Variants in C8orf34 observed in about 807,000 individuals in gnomAD.
C8orf34 encodes chromosome 8 open reading frame 34.
Under a neutral mutation model 68.3 loss-of-function variants are expected in C8orf34, and 65 were observed. The ratio of observed to expected loss-of-function variants is 0.95; its 90% CI spans 0.78 to 1.17. The LOEUF (loss-of-function observed/expected upper bound fraction) is 1.17. Among genes scored for constraint, C8orf34 ranks in the 50% most tolerant of loss-of-function variants. The pLI is 0.00. For synonymous variants in C8orf34, 244 were observed against 241.2 expected (o/e 1.01, Z -0.11); for missense variants, 664 against 655.4 (o/e 1.01, Z -0.14).
chr8:68,466,928 T>C (rs1217607371), intron 3 of C8orf34, among the ~76,000 whole-genome samples: 1 of 151,654 alleles, frequency 6.6e-6, no homozygotes, highest in Non-Finnish European at 1.5e-5. Flanking sequence ...CCTTACCATA[T>C]AAATATTTTT....
At chr8:68,796,577 T>C (rs1257787317) in intron 12 of C8orf34, among the ~76,000 whole-genome samples, 2 of 152,168 alleles carry the variant, frequency 1.3e-5, no homozygotes, top group Non-Finnish European at 2.9e-5. Context: ...TGTAAGACCA[T>C]ATCATTGATA....
intron 6 of C8orf34, among the ~76,000 whole-genome samples, chr8:68,531,965 G>T (rs1315609185): frequency 3.3e-5 from 5 of 151,986 alleles, no homozygotes; most frequent in African/African-American, 1.2e-4. Context: ...TTGAACAGTA[G>T]CTACACCAAC....
intron 9 of C8orf34, among the ~76,000 whole-genome samples, chr8:68,714,596 C>A (rs544287649): frequency 6.6e-6 from 1 of 151,972 alleles, no homozygotes; most frequent in East Asian, 1.9e-4. Flanking sequence ...CAAGGAAAAC[C>A]ACAAAACACT....
intron 1 of C8orf34, among the ~76,000 whole-genome samples, chr8:68,387,690 G>A (rs748813649): frequency 3.9e-5 from 6 of 152,064 alleles, no homozygotes; most frequent in South Asian, 2.1e-4. Context: ...AAAAAACCTC[G>A]TAGAAAACCA....
At chr8:68,812,234 A>G (rs1227426182) in intron 12 of C8orf34, among the ~76,000 whole-genome samples, 2 of 152,238 alleles carry the variant, frequency 1.3e-5, no homozygotes, top group Admixed American at 1.3e-4. Context: ...TGATAAACAT[A>G]AAAATTAGAA....
chr8:68,635,386 T>C (rs1257975171), intron 7 of C8orf34, among the ~76,000 whole-genome samples: 1 of 152,158 alleles, frequency 6.6e-6, no homozygotes, highest in African/African-American at 2.4e-5. Context: ...AACCACACAA[T>C]TTCTTCATAT....
At chr8:68,398,269 G>C (rs1246405561) in intron 1 of C8orf34, among the ~76,000 whole-genome samples, 1 of 151,954 alleles carries the variant, frequency 6.6e-6, no homozygotes, top group Non-Finnish European at 1.5e-5. Context: ...AGTCTTCAGG[G>C]CCTCTTAATT....
intron 12 of C8orf34, among the ~76,000 whole-genome samples, chr8:68,808,766 G>A (rs768075711): frequency 6.6e-5 from 10 of 152,114 alleles, no homozygotes; most frequent in East Asian, 1.9e-4. Context: ...TTTAATATCC[G>A]CAGGGGTCTT....
At chr8:68,569,147 A>G (rs1487270956) in intron 7 of C8orf34, among the ~76,000 whole-genome samples, 1 of 152,226 alleles carries the variant, frequency 6.6e-6, no homozygotes, top group Non-Finnish European at 1.5e-5. Context: ...TAAAATCTTG[A>G]ATCTTCACAC....
intron 10 of C8orf34, among the ~76,000 whole-genome samples, chr8:68,767,710 T>C (rs934882295): frequency 1.3e-5 from 2 of 152,194 alleles, no homozygotes; most frequent in Non-Finnish European, 2.9e-5. Context: ...CATAACTCAC[T>C]GTAACTTTGA....
intron 7 of C8orf34, among the ~76,000 whole-genome samples, chr8:68,582,060 C>T (rs1817081925): frequency 2.6e-5 from 4 of 152,128 alleles, no homozygotes; most frequent in Admixed American, 2.6e-4. Flanking sequence ...AGAGTTACAG[C>T]TGGCACTCCT....
intron 5 of C8orf34, among the ~76,000 whole-genome samples, chr8:68,500,425 T>A (rs1813715655): frequency 6.6e-6 from 1 of 152,222 alleles, no homozygotes; most frequent in African/African-American, 2.4e-5. Flanking sequence ...ATCCAGGATA[T>A]TCTTTTACCA....
intron 7 of C8orf34, among the ~76,000 whole-genome samples, chr8:68,609,569 C>A (rs1817950934): frequency 6.6e-6 from 1 of 152,094 alleles, no homozygotes; most frequent in African/African-American, 2.4e-5. Flanking sequence ...AAGATGGAGT[C>A]TGAGTAGTCT....
intron 1 of C8orf34, among the ~76,000 whole-genome samples, chr8:68,381,935 A>T (rs1022415417): frequency 6.6e-6 from 1 of 152,150 alleles, no homozygotes; most frequent in Non-Finnish European, 1.5e-5. Flanking sequence ...TAACATTTTG[A>T]TACATATTTT....
rs184714012 is a variant in C8orf34 at position 68,422,223 on chromosome 8, A to G, written c.328-17276A>G. Among the ~76,000 whole-genome samples, 10 of 152,316 alleles carry G rather than the reference A, an allele frequency of 6.6e-5. No individual in the cohort carries two copies. The East Asian group carries it at 1.9e-3, about 29-fold the overall frequency. On this transcript the variant is annotated intron_variant, in intron 1 of 13. Coordinates refer to ENST00000518698, the MANE Select transcript of C8orf34 (RefSeq NM_052958.4). ...ATTCCAGCATTAACCCAAAAGTCCAAGTCCAAAGTCTCATGTGAGACAAGG... is the reference window on the plus strand; with the variant it reads ...ATTCCAGCATTAACCCAAAAGTCCAGGTCCAAAGTCTCATGTGAGACAAGG...
At chr8:68,392,495 A>G (rs1315076555) in intron 1 of C8orf34, among the ~76,000 whole-genome samples, 1 of 152,056 alleles carries the variant, frequency 6.6e-6, no homozygotes, top group South Asian at 2.1e-4. Flanking sequence ...TATTCTTAGT[A>G]ACTTTTTTAT....
rs915514785 is a variant in C8orf34 at position 68,818,865 on chromosome 8, T to C, written c.*619T>C. 6.6e-6 allele frequency: 1 copy of C among 152,124 alleles called. No homozygotes were observed. Among genetic ancestry groups the C allele is most frequent in the Non-Finnish European group, 1.5e-5 (1 of 68,006 alleles). The allele number at this position is 152,124 out of a possible 1,614,324, so 9.4% of individuals were successfully genotyped here. ...GCAAATCAATAAGGAATGAAATGCA[T>C]GGCCCAAAACATAGAAAATGAAAAT... On this transcript the variant is annotated 3_prime_UTR_variant, in exon 14 of 14. Transcript: ENST00000518698.
chr8:68,802,063 T>C (rs1824344097), intron 12 of C8orf34, among the ~76,000 whole-genome samples: 1 of 152,180 alleles, frequency 6.6e-6, no homozygotes, highest in Non-Finnish European at 1.5e-5. Flanking sequence ...ATAAATATTT[T>C]CCATATTGTC....
intron 7 of C8orf34, among the ~76,000 whole-genome samples, chr8:68,600,725 AT>A (rs2130490198): frequency 6.6e-6 from 1 of 152,272 alleles, no homozygotes; most frequent in Admixed American, 6.5e-5. Context: ...TATTTGGGGT[AT>A]TTATCACCTT....
Sources: allele counts gnomAD v4.1 joint callset (sites outside exome capture counted in the v4.1 genomes callset), GRCh38; gene constraint gnomAD v4.1.1; transcripts MANE v1.5; gene names NCBI Gene and HGNC (gene_info 2026-07-23, HGNC 2026-07-21).